Variants in ANKS1B observed in about 807,000 individuals in gnomAD.
The protein encoded by ANKS1B is ankyrin repeat and sterile alpha motif domain-containing protein 1B.
Under a neutral mutation model 148.3 loss-of-function variants are expected in ANKS1B, and 36 were observed. That is an observed-to-expected ratio of 0.24 (90% confidence interval 0.19 to 0.32). The LOEUF (loss-of-function observed/expected upper bound fraction) is 0.32. Ranked by LOEUF, ANKS1B falls within the 10% of genes least tolerant of loss-of-function variation. The probability of loss-of-function intolerance (pLI) is 1.00; values close to 1 mark genes in which losing one functional copy is unlikely to be tolerated. For missense variants in ANKS1B, 1,157 were observed against 1,542.6 expected (o/e 0.75, Z 4.19); for synonymous variants, 542 against 560.8 (o/e 0.97, Z 0.47).
At position 98,883,414 on chromosome 12, in the gene ANKS1B, T is replaced by C. The variant is rs547357237; in HGVS notation, c.2779-51278A>G. 5.3e-5 allele frequency among the ~76,000 whole-genome samples: 8 copies of C among 152,320 alleles called. 1 individual carries two copies. Among genetic ancestry groups the C allele is most frequent in the African/African-American group, 1.9e-4 (8 of 41,576 alleles). Reference sequence around the variant, plus strand: ...TGACTGGTCAGAGCCCATATGACGATGGTCACATGAGAGTAAGGAAACCAC... The same window carrying C: ...TGACTGGTCAGAGCCCATATGACGACGGTCACATGAGAGTAAGGAAACCAC... On this transcript the variant is annotated intron_variant, in intron 17 of 26. Transcript: ENST00000683438.
chr12:98,814,249 G>C (rs771472790), intron 19 of ANKS1B, among the ~76,000 whole-genome samples: 2 of 152,200 alleles, frequency 1.3e-5, no homozygotes, highest in Non-Finnish European at 2.9e-5. Context: ...ATTTCACCAA[G>C]TTGTTGTGCA....
At chr12:99,119,064 T>G (rs1183562330) in intron 15 of ANKS1B, among the ~76,000 whole-genome samples, 2 of 152,164 alleles carry the variant, frequency 1.3e-5, no homozygotes, top group East Asian at 1.9e-4. Context: ...AACCTGTAAA[T>G]TATGCCTTAT....
intron 17 of ANKS1B, among the ~76,000 whole-genome samples, chr12:98,945,151 C>T (rs2099843121): frequency 6.6e-6 from 1 of 152,084 alleles, no homozygotes; most frequent in African/African-American, 2.4e-5. Context: ...TTCCAGATTT[C>T]ATGTCCCATA....
chr12:98,880,676 G>T (rs1449128901), intron 17 of ANKS1B, among the ~76,000 whole-genome samples: 3 of 152,168 alleles, frequency 2.0e-5, no homozygotes, highest in Non-Finnish European at 4.4e-5. Flanking sequence ...ACTGAGGCAG[G>T]AGAATGGCGT....
intron 14 of ANKS1B, among the ~76,000 whole-genome samples, chr12:99,231,655 A>T (rs190443145): frequency 2.3e-4 from 22 of 93,936 alleles, no homozygotes; most frequent in South Asian, 5.8e-4. Context: ...AAATACATTT[A>T]AAAAAAAATG....
chr12:99,704,282 T>C (rs370965684), intron 8 of ANKS1B, among the ~76,000 whole-genome samples: 1 of 152,054 alleles, frequency 6.6e-6, no homozygotes, highest in South Asian at 2.1e-4. Context: ...TGGAGGCCTT[T>C]TCCCCCTGCA....
At chr12:99,632,798 T>C (rs1003456589) in intron 9 of ANKS1B, among the ~76,000 whole-genome samples, 1 of 134,842 alleles carries the variant, frequency 7.4e-6, no homozygotes. Flanking sequence ...CTAGGGTACA[T>C]GTGCACAATG....
chr12:99,890,508 C>T (rs2093038353), intron 1 of ANKS1B, among the ~76,000 whole-genome samples: 1 of 151,704 alleles, frequency 6.6e-6, no homozygotes, highest in Non-Finnish European at 1.5e-5. Context: ...TGTGAACTTG[C>T]CAGCTCCCAT....
intron 1 of ANKS1B, among the ~76,000 whole-genome samples, chr12:99,976,881 T>C (rs1012031814): frequency 1.3e-5 from 2 of 152,212 alleles, no homozygotes; most frequent in Admixed American, 1.3e-4. Context: ...GTTTTTGTGA[T>C]TCACATTTCT....
At chr12:99,422,157 A>G (rs1467488465) in intron 11 of ANKS1B, among the ~76,000 whole-genome samples, 1 of 152,216 alleles carries the variant, frequency 6.6e-6, no homozygotes, top group Non-Finnish European at 1.5e-5. Flanking sequence ...CACACCAAGC[A>G]AAACATAAAG....
At position 98,744,282 on chromosome 12, in the gene ANKS1B, T is replaced by C; in HGVS notation, c.*1457A>G. 1 of 935,280 alleles carries C rather than the reference T, an allele frequency of 1.1e-6. No homozygotes were observed. The allele number at this position is 935,280 out of a possible 1,614,324, so 57.9% of individuals were successfully genotyped here. ...ACTGAACTAAAACCGTATACATTTG[T>C]TAGTTTGAAATAAAATGTAGTTATT... On this transcript the variant is annotated 3_prime_UTR_variant, in exon 27 of 27. Coordinates refer to ENST00000683438, the MANE Select transcript of ANKS1B (RefSeq NM_001352186.2).
At chr12:98,970,478 G>A (rs1597788838) in intron 17 of ANKS1B, among the ~76,000 whole-genome samples, 2 of 152,312 alleles carry the variant, frequency 1.3e-5, no homozygotes, top group East Asian at 3.9e-4. Context: ...CTGCCTGAAT[G>A]AAAATAGAAA....
intron 12 of ANKS1B, among the ~76,000 whole-genome samples, chr12:99,250,803 C>T (rs1191369970): frequency 6.6e-6 from 1 of 152,100 alleles, no homozygotes; most frequent in Non-Finnish European, 1.5e-5. Flanking sequence ...ATAGAACATA[C>T]CTAAAAGTGC....
intron 9 of ANKS1B, among the ~76,000 whole-genome samples, chr12:99,622,503 GA>G (rs1170865737): frequency 1.3e-5 from 2 of 151,812 alleles, no homozygotes; most frequent in African/African-American, 2.4e-5. Flanking sequence ...CTGCTAAACA[GA>G]TTAACAAAAA....
intron 17 of ANKS1B, among the ~76,000 whole-genome samples, chr12:98,868,934 A>C (rs928624238): frequency 2.0e-5 from 3 of 152,214 alleles, no homozygotes; most frequent in Admixed American, 6.5e-5. Context: ...TCTCCTCAAG[A>C]GTCCTTTGAG....
chr12:98,735,188 ATTTTG>A, exon 10 of ANKS1B: 1 of 398,828 alleles, frequency 2.5e-6, no homozygotes, highest in Non-Finnish European at 4.4e-6. Context: ...CAAGAGGAGG[ATTTTG>A]TTTTGTAGTT....
At chr12:99,696,688 T>A (rs2053976074) in intron 8 of ANKS1B, among the ~76,000 whole-genome samples, 1 of 150,662 alleles carries the variant, frequency 6.6e-6, no homozygotes, top group Admixed American at 6.7e-5. Flanking sequence ...GGTGCAACAC[T>A]GAAAACATGA....
At chr12:99,894,571 C>A (rs1480141836) in intron 1 of ANKS1B, among the ~76,000 whole-genome samples, 3 of 135,678 alleles carry the variant, frequency 2.2e-5, no homozygotes, top group Non-Finnish European at 3.4e-5. Context: ...GTTCAACTTA[C>A]AATTTTTCAA....
intron 11 of ANKS1B, among the ~76,000 whole-genome samples, chr12:99,409,449 T>G (rs10860432): frequency 0.3 from 46,023 of 151,814 alleles, 7,508 homozygotes; most frequent in East Asian, 0.58. Flanking sequence ...AGCACAATAT[T>G]ATGACTAGAG....
Sources: gnomAD v4.1 joint callset for allele counts (sites outside exome capture counted in the v4.1 genomes callset) on GRCh38, gnomAD v4.1.1 for gene constraint, MANE v1.5 for transcripts, NCBI Gene and HGNC (gene_info 2026-07-23, HGNC 2026-07-21) for gene names.